Variants in SYNM observed in about 807,000 individuals in gnomAD.
SYNM encodes the protein desmuslin.
SYNM carries 95 observed loss-of-function variants against 104.0 expected under a neutral mutation model. That is an observed-to-expected ratio of 0.91 (90% CI 0.77 to 1.08). The LOEUF (loss-of-function observed/expected upper bound fraction) is 1.08. Ranked by LOEUF, SYNM falls within the 50% of genes least tolerant of loss-of-function variation. SYNM has a pLI of 0.00. For missense variants in SYNM, 2,150 were observed against 2,052.2 expected (o/e 1.05, Z -0.92); for synonymous variants, 918 against 869.0 (o/e 1.06, Z -0.99).
At position 99,105,183 on chromosome 15, in the gene SYNM, C is replaced by G; in HGVS notation, c.-17C>G. Reference sequence around the variant, plus strand: ...GAGGGAGCCGGCCAGCCGCGAGAACCCCGCACGCCCGGCAAGATGCTGTCC... The same window carrying G: ...GAGGGAGCCGGCCAGCCGCGAGAACGCCGCACGCCCGGCAAGATGCTGTCC... On this transcript the variant is annotated 5_prime_UTR_variant, in exon 1 of 4. Coordinates refer to ENST00000336292, the MANE Select transcript of SYNM (RefSeq NM_145728.3). 1 of 1,568,478 alleles carries G rather than the reference C, an allele frequency of 6.4e-7. No individual in the cohort carries two copies.
chr15:99,110,135 G>A (rs1417244472), intron 1 of SYNM, among the ~76,000 whole-genome samples: 2 of 152,170 alleles, frequency 1.3e-5, no homozygotes, highest in African/African-American at 4.8e-5. Flanking sequence ...TGAATGTGAT[G>A]GGAGAGGGAG....
intron 1 of SYNM, among the ~76,000 whole-genome samples, chr15:99,113,013 A>G (rs1302124652): frequency 5.3e-5 from 8 of 152,204 alleles, no homozygotes; most frequent in African/African-American, 1.9e-4. Flanking sequence ...GCTAGGCCCA[A>G]AAAGAAGTTT....
At chr15:99,128,783 C>G (rs73478139) in intron 3 of SYNM, 5,109 of 154,666 alleles carry the variant, frequency 0.033, 266 homozygotes, top group African/African-American at 0.12. Context: ...TGTTTCTGCA[C>G]TGGCTCCTTT....
chr15:99,113,487 T>C (rs563501283), intron 1 of SYNM, 104 bp from the exon 2 acceptor site: 1 of 1,475,830 alleles, frequency 6.8e-7, no homozygotes, highest in East Asian at 2.5e-5. Context: ...GGTCTGCTAA[T>C]AACCCTGGTC....
Position 99,130,365 on chromosome 15 carries a change from A to T in SYNM, c.2005A>T (p.Thr669Ser). The change falls in exon 4 of 4, where the codon ACT becomes TCT. Residue 669 changes from threonine to serine, a missense_variant. Thr to Ser is a moderately conservative substitution (Grantham distance 58). Coordinates refer to ENST00000336292, the MANE Select transcript of SYNM (RefSeq NM_145728.3). ...TGATTCTTTTCCAGACACAAAAGTCACTTACGTGGACAGGAAAGAGCTTCC... is the reference window on the plus strand; with the variant it reads ...TGATTCTTTTCCAGACACAAAAGTCTCTTACGTGGACAGGAAAGAGCTTCC... ...SADSFPDTKV[T>S]YVDRKELPGE... The T allele has an allele frequency of 6.2e-7, 1 of 1,613,726 alleles. No homozygotes were observed. Among genetic ancestry groups the T allele is most frequent in the Non-Finnish European group, 8.5e-7 (1 of 1,179,750 alleles).
rs373388167 is a variant in SYNM at position 99,132,295 on chromosome 15, G to A, written c.3935G>A (p.Ser1312Asn). 21 of 1,610,314 alleles carry A rather than the reference G, an allele frequency of 1.3e-5. No individual in the cohort carries two copies. The African/African-American group carries it at 2.8e-4, about 22-fold the overall frequency. ...PGSSTSIRHI[S>N]IGPQRHQTTQ... Reference sequence around the variant, plus strand: ...AGCAGCACATCCATCAGGCACATCAGCATTGGGCCTCAGAGGCATCAGACC... The same window carrying A: ...AGCAGCACATCCATCAGGCACATCAACATTGGGCCTCAGAGGCATCAGACC... Residue 1312 changes from serine (S) to asparagine (N), a missense_variant, in exon 4 of 4, where the codon AGC becomes AAC. Transcript: ENST00000336292.
intron 1 of SYNM, among the ~76,000 whole-genome samples, chr15:99,112,322 C>T (rs1179881473): frequency 1.3e-5 from 2 of 152,202 alleles, no homozygotes; most frequent in African/African-American, 4.8e-5. Flanking sequence ...GTTAAAAGTA[C>T]ATGGACTTAT....
chr15:99,130,805 G>C lies in SYNM; in HGVS notation c.2445G>C (p.Val815=). 2 of 1,613,994 alleles carry C rather than the reference G, an allele frequency of 1.2e-6. No individual in the cohort carries two copies. The highest frequency in any genetic ancestry group is 1.7e-6 in the Non-Finnish European group (2 of 1,179,888). The change falls in exon 4 of 4, where the codon GTG becomes GTC. Residue 815 remains valine, a synonymous_variant. Transcript: ENST00000336292. The part of the protein sequence containing the change: ...TKQPQENTTH[V]EEVTEAGDSE... Reference sequence around the variant, plus strand: ...AGCCTCAGGAGAACACGACTCACGTGGAAGAAGTGACAGAGGCAGGTGATT... The same window carrying C: ...AGCCTCAGGAGAACACGACTCACGTCGAAGAAGTGACAGAGGCAGGTGATT...
Position 99,131,753 on chromosome 15 carries a change from C to G in SYNM, c.3393C>G (p.Pro1131=). ...CTGCAAGGCACATAAAACTCGGCCC[C>G]TCTGAAGTCTGGAGGACTGAGCGAA... ...SQAARHIKLG[P]SEVWRTERMS... The change falls in exon 4 of 4, where the codon CCC becomes CCG. Residue 1131 remains proline, a synonymous_variant. Transcript: ENST00000336292. The surrounding 1 kb of genome is among the most constrained non-coding windows in gnomAD (Gnocchi z 4.3). 1 of 1,613,982 alleles carries G rather than the reference C, an allele frequency of 6.2e-7. No individual in the cohort carries two copies. The highest frequency in any genetic ancestry group is 8.5e-7 in the Non-Finnish European group (1 of 1,179,898).
At chr15:99,129,113 T>C in intron 3 of SYNM, 1 of 500,258 alleles carries the variant, frequency 2.0e-6, no homozygotes, top group Non-Finnish European at 3.5e-6. Context: ...GATGAGTGAG[T>C]ATTTTAATAT....
In SYNM at chr15:99,117,054, G is replaced by A. The variant is rs192601229; in HGVS notation, c.935+3339G>A. On this transcript the variant is annotated intron_variant, in intron 2 of 3. Coordinates refer to ENST00000336292, the MANE Select transcript of SYNM (RefSeq NM_145728.3). ...TCACTCATTACTGAGAGGACAGCAC[G>A]AAGCCATTGATGAGCGATCCCCCCC... Among the ~76,000 whole-genome samples the A allele has an allele frequency of 3.5e-4, 50 of 144,104 alleles. 5 individuals carry two copies. The highest frequency in any genetic ancestry group is 6.8e-4 in the Non-Finnish European group (44 of 64,776). The allele number at this position is 144,104 out of a possible 152,430, so 94.5% of individuals were successfully genotyped here.
intron 2 of SYNM, among the ~76,000 whole-genome samples, chr15:99,123,437 G>A (rs1304247686): frequency 2.6e-5 from 4 of 152,006 alleles, no homozygotes; most frequent in African/African-American, 9.7e-5. Context: ...CTGTGAAGCC[G>A]GTGGTCTCAC....
In SYNM at chr15:99,131,600, C is replaced by G; in HGVS notation, c.3240C>G (p.Ser1080Arg). 6.2e-7 allele frequency: 1 copy of G among 1,610,156 alleles called. No individual in the cohort carries two copies. Among genetic ancestry groups the G allele is most frequent in the Non-Finnish European group, 8.5e-7 (1 of 1,179,720 alleles). ...AGCTGTACATCCCTTCAGGCGAGAG[C>G]GAGGTTGCTGGTGGGGCCTCTCACA... ...TRELYIPSGE[S>R]EVAGGASHSS... The change falls in exon 4 of 4, where the codon AGC (serine) becomes AGG (arginine). Residue 1080 changes from serine to arginine, a missense_variant. Transcript: ENST00000336292. The surrounding 1 kb of genome is among the most constrained non-coding windows in gnomAD (Gnocchi z 4.3).
At position 99,135,307 on chromosome 15, in the gene SYNM, G is replaced by A. The variant is rs1390545281; in HGVS notation, c.*2249G>A. The A allele has an allele frequency of 2.0e-5, 3 of 152,604 alleles. No homozygotes were observed. The highest frequency in any genetic ancestry group is 2.9e-5 in the Non-Finnish European group (2 of 68,036). The allele number at this position is 152,604 out of a possible 1,614,324, so 9.5% of individuals were successfully genotyped here. A position where few individuals can be genotyped will look rare whatever the true frequency, so the allele number is the denominator to read the frequency against. ...TCACACTGTGACATTGTGACATTGTGACAAGCTCCATGTCCTTTAAAATCA... is the reference window on the plus strand; with the variant it reads ...TCACACTGTGACATTGTGACATTGTAACAAGCTCCATGTCCTTTAAAATCA... On this transcript the variant is annotated 3_prime_UTR_variant, in exon 4 of 4. Transcript: ENST00000336292.
downstream of SYNM, chr15:99,139,329 C>T: frequency 6.2e-7 from 1 of 1,613,130 alleles, no homozygotes; most frequent in Non-Finnish European, 8.5e-7. Flanking sequence ...GGACAGCATG[C>T]CCATGGCCTG....
chr15:99,120,196 G>A (rs542122524), intron 2 of SYNM, among the ~76,000 whole-genome samples: 11 of 152,208 alleles, frequency 7.2e-5, no homozygotes, highest in South Asian at 2.1e-4. Context: ...CCTGTTGAAC[G>A]TGGAATTAGA....
In SYNM at chr15:99,131,504, C is replaced by T. The variant is rs781915168; in HGVS notation, c.3144C>T (p.Gly1048=). The T allele has an allele frequency of 1.0e-5, 16 of 1,606,780 alleles. No individual in the cohort carries two copies. In the South Asian group the frequency reaches 1.7e-4, roughly 17 times the overall value. ...SLSRQRSPAP[G]SPDEEGGAEA... ...GCAGGCAACGCAGCCCAGCGCCTGG[C>T]AGCCCAGATGAGGAAGGTGGAGCGG... Residue 1048 remains glycine, a synonymous_variant, in exon 4 of 4, where the codon GGC becomes GGT. Coordinates refer to ENST00000336292, the MANE Select transcript of SYNM (RefSeq NM_145728.3). This position sits in a 1 kb window ranked among gnomAD's most constrained non-coding sequence, Gnocchi z 4.3.
In SYNM at chr15:99,130,569, AGGGAG is replaced by A; in HGVS notation, c.2215_2219del (p.Gly739SerfsTer45). ...CATCATCAACCTCGGCCTGAAAGGGAGGGAGGGGAGAGCAAAGGTCGTCAACGTGG... is the reference window on the plus strand; with the variant it reads ...CATCATCAACCTCGGCCTGAAAGGGAGGGAGAGCAAAGGTCGTCAACGTGG... On this transcript the variant is annotated frameshift_variant, in exon 4 of 4. Coordinates refer to ENST00000336292, the MANE Select transcript of SYNM (RefSeq NM_145728.3). LOFTEE classifies it high-confidence loss of function. 6.2e-7 allele frequency: 1 copy of A among 1,613,686 alleles called. No individual in the cohort carries two copies. Among genetic ancestry groups the A allele is most frequent in the South Asian group, 1.1e-5 (1 of 91,024 alleles).
chr15:99,113,099 A>G (rs1239304752), intron 1 of SYNM, among the ~76,000 whole-genome samples: 4 of 152,358 alleles, frequency 2.6e-5, no homozygotes, highest in African/African-American at 9.6e-5. Context: ...AGCTTTTCTA[A>G]GTGAAACAAA....
Sources: allele counts gnomAD v4.1 joint callset (sites outside exome capture counted in the v4.1 genomes callset), GRCh38; gene constraint gnomAD v4.1.1; non-coding constraint Gnocchi (gnomAD v3.1); transcripts MANE v1.5; gene names NCBI Gene and HGNC (gene_info 2026-07-23, HGNC 2026-07-21).